Variants in FARS2 observed in about 807,000 individuals in gnomAD.
FARS2 encodes the protein phenylalanine--tRNA ligase, mitochondrial.
Under a neutral mutation model 46.4 loss-of-function variants are expected in FARS2, and 40 were observed. The observed-to-expected ratio is 0.86, with a 90% confidence interval of 0.67 to 1.12. The LOEUF (loss-of-function observed/expected upper bound fraction) is 1.12. Among genes scored for constraint, FARS2 ranks in the 50% most tolerant of loss-of-function variants. FARS2 has a pLI of 0.00. For synonymous variants in FARS2, 234 were observed against 214.9 expected, an observed-to-expected ratio of 1.09 and a Z score of -0.78; for missense variants, 513 against 567.9, an observed-to-expected ratio of 0.90 and a Z score of 0.98.
chr6:5,526,520 G>A (rs1206659051), intron 4 of FARS2, among the ~76,000 whole-genome samples: 1 of 152,188 alleles, frequency 6.6e-6, no homozygotes, highest in Non-Finnish European at 1.5e-5. Context: ...AGTGTGACAA[G>A]AAATAGAGCA....
intron 6 of FARS2, among the ~76,000 whole-genome samples, chr6:5,754,296 T>A (rs1762099197): frequency 6.6e-6 from 1 of 152,290 alleles, no homozygotes; most frequent in African/African-American, 2.4e-5. Flanking sequence ...TGCTTCACAG[T>A]GTGTTCCAGG....
chr6:5,497,446 T>C (rs916255540), intron 4 of FARS2, among the ~76,000 whole-genome samples: 4 of 152,168 alleles, frequency 2.6e-5, no homozygotes, highest in Non-Finnish European at 5.9e-5. Context: ...TAATGTGGGA[T>C]AAAGGACAAA....
chr6:5,658,063 T>C (rs1177823295), intron 6 of FARS2, among the ~76,000 whole-genome samples: 2 of 152,150 alleles, frequency 1.3e-5, no homozygotes, highest in East Asian at 3.8e-4. Context: ...TCAAGACCAG[T>C]CTGATGAACA....
chr6:5,486,239 TA>T (rs1407922660), intron 4 of FARS2, among the ~76,000 whole-genome samples: 9 of 152,190 alleles, frequency 5.9e-5, no homozygotes, highest in Non-Finnish European at 1.0e-4. Context: ...TATATTTTTA[TA>T]TTTGGAAAAG....
chr6:5,511,432 T>C (rs942046336), intron 4 of FARS2, among the ~76,000 whole-genome samples: 2 of 152,242 alleles, frequency 1.3e-5, no homozygotes, highest in Non-Finnish European at 2.9e-5. Context: ...CACAAGGCTC[T>C]TAAACACATA....
intron 6 of FARS2, among the ~76,000 whole-genome samples, chr6:5,760,217 A>G (rs994172003): frequency 1.3e-5 from 2 of 152,268 alleles, no homozygotes; most frequent in Non-Finnish European, 2.9e-5. Context: ...CGCTGAAGAA[A>G]TAAAAGTTTT....
At chr6:5,318,387 CAAAAA>C (rs753113504) in intron 1 of FARS2, among the ~76,000 whole-genome samples, 1 of 77,196 alleles carries the variant, frequency 1.3e-5, no homozygotes. Context: ...AAAAAAAAAC[CAAAAA>C]AAAAAAAAAA....
intron 4 of FARS2, among the ~76,000 whole-genome samples, chr6:5,538,123 G>A (rs1367713044): frequency 6.7e-6 from 1 of 148,242 alleles, no homozygotes; most frequent in African/African-American, 2.5e-5. Flanking sequence ...CTAGTTTACT[G>A]GAACTCACTA....
intron 1 of FARS2, among the ~76,000 whole-genome samples, chr6:5,301,297 T>A (rs1419233864): frequency 1.3e-5 from 2 of 152,116 alleles, no homozygotes; most frequent in African/African-American, 4.8e-5. Flanking sequence ...AATAAGATGG[T>A]AGCAAAGTTT....
chr6:5,392,015 T>G lies in FARS2; in HGVS notation c.613-12527T>G, dbSNP rs1205039492. Among the ~76,000 whole-genome samples the G allele has an allele frequency of 2.6e-5, 4 of 152,258 alleles. No individual in the cohort carries two copies. In the East Asian group the frequency reaches 5.8e-4, roughly 22 times the overall value. On this transcript the variant is annotated intron_variant, in intron 2 of 6. Transcript: ENST00000274680. Reference sequence around the variant, plus strand: ...GAAGCAGTCCTAGTGGAAAATAAATTATACAAACTGTTGGGTGCGATTAAT... The same window carrying G: ...GAAGCAGTCCTAGTGGAAAATAAATGATACAAACTGTTGGGTGCGATTAAT...
chr6:5,291,896 A>C lies in FARS2; in HGVS notation c.-22+30236A>C, dbSNP rs371238425. On this transcript the variant is annotated intron_variant, in intron 1 of 6. Transcript: ENST00000274680. ...GTCTAATAAGATATACTATTTTATTACTCCAAAGAGTGCATAGTCTGTAGG... is the reference window on the plus strand; with the variant it reads ...GTCTAATAAGATATACTATTTTATTCCTCCAAAGAGTGCATAGTCTGTAGG... 5.9e-5 allele frequency among the ~76,000 whole-genome samples: 9 copies of C among 152,356 alleles called. No individual in the cohort carries two copies. In the South Asian group the frequency reaches 1.5e-3, roughly 25 times the overall value.
intron 5 of FARS2, among the ~76,000 whole-genome samples, chr6:5,568,444 A>C (rs1475185027): frequency 6.6e-6 from 1 of 152,164 alleles, no homozygotes; most frequent in Admixed American, 6.5e-5. Flanking sequence ...CAGGAAGTAT[A>C]GTTTCCTGCC....
chr6:5,467,736 C>T (rs1360693826), intron 4 of FARS2, among the ~76,000 whole-genome samples: 1 of 152,114 alleles, frequency 6.6e-6, no homozygotes, highest in Admixed American at 6.5e-5. Context: ...CTTCTCTGGA[C>T]CTCTGTGTTT....
intron 6 of FARS2, among the ~76,000 whole-genome samples, chr6:5,759,328 T>C (rs912178189): frequency 4.6e-5 from 7 of 152,214 alleles, no homozygotes; most frequent in South Asian, 4.1e-4. Context: ...CATGGCACCA[T>C]GTACCTTCCC....
In FARS2 at chr6:5,541,909, T is replaced by A. The variant is rs1770660905; in HGVS notation, c.905-3271T>A. ...GAAAGGGGCAGGCAATTCCCAGAAG[T>A]GAGGGTTCCTCCCCCTTTTAGAGTA... On this transcript the variant is annotated intron_variant, in intron 4 of 6. Transcript: ENST00000274680. 2.0e-5 allele frequency among the ~76,000 whole-genome samples: 3 copies of A among 152,144 alleles called. 1 individual carries two copies. The highest frequency in any genetic ancestry group is 2.0e-4 in the Admixed American group (3 of 15,272).
chr6:5,263,205 A>AT (rs1303505097), intron 1 of FARS2, among the ~76,000 whole-genome samples: 3 of 152,244 alleles, frequency 2.0e-5, no homozygotes, highest in African/African-American at 7.2e-5. Context: ...TTATCAAGGA[A>AT]TTTAATCATT....
intron 5 of FARS2, among the ~76,000 whole-genome samples, chr6:5,554,705 G>T (rs192657102): frequency 6.6e-6 from 1 of 152,144 alleles, no homozygotes; most frequent in Non-Finnish European, 1.5e-5. Context: ...TGGATGAGGC[G>T]AGTACTATAA....
At chr6:5,280,845 G>A (rs568364627) in intron 1 of FARS2, among the ~76,000 whole-genome samples, 1 of 152,000 alleles carries the variant, frequency 6.6e-6, no homozygotes, top group East Asian at 1.9e-4. Context: ...ATATATTGTA[G>A]GTATATTTTA....
intron 1 of FARS2, among the ~76,000 whole-genome samples, chr6:5,323,711 C>G (rs534724841): frequency 3.9e-5 from 6 of 152,320 alleles, no homozygotes; most frequent in Non-Finnish European, 8.8e-5. Flanking sequence ...CTGGCTTCCT[C>G]AAGGACTTTC....
Sources: allele counts gnomAD v4.1 joint callset (sites outside exome capture counted in the v4.1 genomes callset), GRCh38; gene constraint gnomAD v4.1.1; transcripts MANE v1.5; gene names NCBI Gene and HGNC (gene_info 2026-07-23, HGNC 2026-07-21).